LRTM3: variants seen among roughly 807,000 people sequenced by gnomAD.
LRTM3 encodes the protein leucine rich repeat transmembrane protein 3.
At chr13:102,738,304 T>A in the LRTM3 span, 1 of 1,550,886 alleles carries the variant, frequency 6.4e-7, no homozygotes, top group Non-Finnish European at 8.7e-7. Flanking sequence ...CTCCATCTGC[T>A]TTTTCCCCTG....
the LRTM3 span, chr13:102,749,991 G>A: frequency 3.9e-6 from 6 of 1,550,460 alleles, no homozygotes; most frequent in Non-Finnish European, 5.2e-6. Flanking sequence ...AAGTGGGCAA[G>A]AGGGCAAGGT....
the LRTM3 span, chr13:102,749,766 A>G: frequency 6.4e-7 from 1 of 1,551,230 alleles, no homozygotes; most frequent in Admixed American, 2.0e-5. Flanking sequence ...TGGACTTCAT[A>G]AAGACCTTGA....
chr13:102,749,925 G>A, the LRTM3 span: 1 of 1,551,258 alleles, frequency 6.4e-7, no homozygotes, highest in South Asian at 1.2e-5. Context: ...GGTTTTGAAG[G>A]AATTTGATTC....
At chr13:102,749,144 T>C in the LRTM3 span, 1 of 1,550,668 alleles carries the variant, frequency 6.4e-7, no homozygotes, top group African/African-American at 1.4e-5. Flanking sequence ...GCATCCTAAC[T>C]CATTCCTATT....
chr13:102,744,616 G>A, the LRTM3 span: 52 of 1,550,426 alleles, frequency 3.4e-5, no homozygotes, highest in Non-Finnish European at 3.9e-5. Context: ...ATCTGCCTTC[G>A]GGACTCTTCG....
chr13:102,746,356 A>C, the LRTM3 span: 1 of 1,550,508 alleles, frequency 6.4e-7, no homozygotes, highest in South Asian at 1.2e-5. Flanking sequence ...TATTCTTAGC[A>C]AAGACATCAG....
At chr13:102,748,473 T>G in the LRTM3 span, 1 of 1,551,166 alleles carries the variant, frequency 6.4e-7, no homozygotes, top group Non-Finnish European at 8.7e-7. Flanking sequence ...CACCTTTGCG[T>G]TTTTGGTGTA....
the LRTM3 span, chr13:102,744,130 C>T: frequency 5.2e-6 from 8 of 1,550,692 alleles, no homozygotes; most frequent in Non-Finnish European, 7.0e-6. Flanking sequence ...TCATCTTGTA[C>T]TTAAAACGGT....
the LRTM3 span, chr13:102,745,702 C>A: frequency 2.8e-5 from 43 of 1,551,018 alleles, no homozygotes; most frequent in Admixed American, 8.4e-4. Context: ...TACCACCAGC[C>A]TGTTCCTTTT....
chr13:102,754,333 C>T, the LRTM3 span, among the ~76,000 whole-genome samples: 1 of 150,488 alleles, frequency 6.6e-6, no homozygotes, highest in African/African-American at 2.4e-5. Context: ...TCTAATTTCT[C>T]ATGTCACCTC....
At chr13:102,748,026 T>C in the LRTM3 span, 2 of 1,551,154 alleles carry the variant, frequency 1.3e-6, no homozygotes, top group Admixed American at 3.9e-5. Flanking sequence ...TATTCTGCGT[T>C]CTGTGTTTCC....
the LRTM3 span, chr13:102,743,327 T>G: frequency 6.4e-7 from 1 of 1,550,420 alleles, no homozygotes; most frequent in Admixed American, 2.0e-5. Context: ...GAATCCACTT[T>G]GCCTTTTAAT....
At chr13:102,758,188 G>A in the LRTM3 span, among the ~76,000 whole-genome samples, 2 of 152,164 alleles carry the variant, frequency 1.3e-5, no homozygotes, top group African/African-American at 2.4e-5. Flanking sequence ...TTCCTCATCT[G>A]TAAGAAACTA....
chr13:102,743,786 G>T, the LRTM3 span: 1 of 1,550,074 alleles, frequency 6.5e-7, no homozygotes, highest in Non-Finnish European at 8.7e-7. Flanking sequence ...TGAAATTGAC[G>T]ACTTCTTTTC....
chr13:102,743,209 T>A, the LRTM3 span: 1 of 1,550,680 alleles, frequency 6.4e-7, no homozygotes, highest in Non-Finnish European at 8.7e-7. Flanking sequence ...TGGAAGTTCT[T>A]CTCTTGTCAA....
the LRTM3 span, among the ~76,000 whole-genome samples, chr13:102,757,802 A>G: frequency 6.6e-6 from 1 of 152,218 alleles, no homozygotes; most frequent in East Asian, 1.9e-4. Flanking sequence ...GTATGTATAC[A>G]TCTTCTCCAC....
the LRTM3 span, chr13:102,745,332 C>G: frequency 1.3e-6 from 2 of 1,550,526 alleles, no homozygotes; most frequent in African/African-American, 2.7e-5. Flanking sequence ...TCTTGCTTTA[C>G]TTGAGTAGAA....
the LRTM3 span, among the ~76,000 whole-genome samples, chr13:102,751,337 C>T: frequency 3.7e-5 from 5 of 134,314 alleles, no homozygotes; most frequent in Non-Finnish European, 7.8e-5. Flanking sequence ...TACTCTCTCT[C>T]TTTATACACA....
At chr13:102,751,348 C>T in the LRTM3 span, among the ~76,000 whole-genome samples, 19 of 95,272 alleles carry the variant, frequency 2.0e-4, no homozygotes, top group Non-Finnish European at 3.4e-4. Flanking sequence ...TTTATACACA[C>T]ACACACACAC....
Sources: gnomAD v4.1 joint callset for allele counts (sites outside exome capture counted in the v4.1 genomes callset) on GRCh38, gnomAD v4.1.1 for gene constraint, MANE v1.5 for transcripts, NCBI Gene and HGNC (gene_info 2026-07-23, HGNC 2026-07-21) for gene names.